Variants in NOX4 observed in about 807,000 individuals in gnomAD.
NOX4 encodes NADPH oxidase 4, also known as kidney oxidase-1.
In NOX4, 69 loss-of-function variants were observed where a neutral mutation model predicts 87.6. That is an observed-to-expected ratio of 0.79 (90% CI 0.65 to 0.96). The LOEUF is 0.96. NOX4 is among the 40% of genes least tolerant of loss of function. NOX4 has a pLI of 0.00. For missense variants in NOX4, 680 were observed against 681.5 expected (o/e 1.00, Z 0.02); for synonymous variants, 275 against 238.2 (o/e 1.15, Z -1.42).
chr11:89,511,593 A>G, the NOX4 span, among the ~76,000 whole-genome samples: 1 of 152,002 alleles, frequency 6.6e-6, no homozygotes, highest in Non-Finnish European at 1.5e-5. Context: ...CAAAAATAGA[A>G]TCCTGATTAC....
chr11:89,354,030 G>A lies in NOX4; in HGVS notation c.1217+932C>T, dbSNP rs1420264067. Among the ~76,000 whole-genome samples the A allele has an allele frequency of 2.1e-4, 32 of 152,168 alleles. 1 individual carries two copies. Among genetic ancestry groups the A allele is most frequent in the Admixed American group, 2.0e-3 (30 of 15,266 alleles). On this transcript the variant is annotated intron_variant, in intron 13 of 17. Transcript: ENST00000263317. ...CATTTATTTTTGTGATCATAATTAA[G>A]TGAGTATTATCAAAGCTAAGTATTA...
At chr11:89,415,758 C>T (rs925622689) in intron 8 of NOX4, among the ~76,000 whole-genome samples, 3 of 151,980 alleles carry the variant, frequency 2.0e-5, no homozygotes, top group East Asian at 1.9e-4. Context: ...AAACTGATAA[C>T]GAGTATGCCA....
the NOX4 span, among the ~76,000 whole-genome samples, chr11:89,544,895 A>G: frequency 7.3e-3 from 1,105 of 152,210 alleles, 15 homozygotes; most frequent in African/African-American, 0.025. Flanking sequence ...TATATATCCT[A>G]TGACCCGACC....
intron 12 of NOX4, among the ~76,000 whole-genome samples, chr11:89,363,975 A>G (rs1938732740): frequency 1.3e-5 from 2 of 152,098 alleles, no homozygotes; most frequent in Admixed American, 1.3e-4. Flanking sequence ...TATTAAAGAT[A>G]TAGGCAGGCC....
intron 11 of NOX4, among the ~76,000 whole-genome samples, chr11:89,390,822 C>T (rs1483868878): frequency 6.6e-6 from 1 of 152,110 alleles, no homozygotes; most frequent in East Asian, 1.9e-4. Flanking sequence ...ATTTTCCCCT[C>T]CTCTTTTGTT....
chr11:89,497,676 CT>C (rs950078564), intron 1 of NOX4, among the ~76,000 whole-genome samples: 4 of 152,164 alleles, frequency 2.6e-5, no homozygotes, highest in Admixed American at 2.6e-4. Flanking sequence ...ATGACTATAT[CT>C]GTCTATATCT....
chr11:89,473,001 A>C (rs1946011922), intron 2 of NOX4, among the ~76,000 whole-genome samples: 1 of 152,166 alleles, frequency 6.6e-6, no homozygotes, highest in Non-Finnish European at 1.5e-5. Flanking sequence ...TCAAGTGAAA[A>C]AGGTTTGACC....
chr11:89,535,907 A>AT, the NOX4 span, among the ~76,000 whole-genome samples: 4 of 152,256 alleles, frequency 2.6e-5, no homozygotes, highest in Admixed American at 2.6e-4. Flanking sequence ...AGAAAGGTAA[A>AT]TTTCCAAAGA....
At chr11:89,458,558 C>G (rs951354926) in intron 2 of NOX4, among the ~76,000 whole-genome samples, 8 of 152,108 alleles carry the variant, frequency 5.3e-5, no homozygotes, top group African/African-American at 1.9e-4. Context: ...ATGCATATGA[C>G]AAAGACCTAG....
chr11:89,357,135 C>G (rs1179654286), intron 12 of NOX4, among the ~76,000 whole-genome samples: 1 of 152,088 alleles, frequency 6.6e-6, no homozygotes, highest in Non-Finnish European at 1.5e-5. Context: ...GTGGCCAGTG[C>G]TTCCTGAGAA....
chr11:89,567,591 A>C, the NOX4 span, among the ~76,000 whole-genome samples: 1 of 152,214 alleles, frequency 6.6e-6, no homozygotes, highest in African/African-American at 2.4e-5. Flanking sequence ...AGAAGAGAGA[A>C]TGAGTGCAGA....
At chr11:89,392,911 C>A (rs1591099013) in intron 11 of NOX4, among the ~76,000 whole-genome samples, 1 of 152,068 alleles carries the variant, frequency 6.6e-6, no homozygotes, top group African/African-American at 2.4e-5. Flanking sequence ...ATAACAGAGA[C>A]CATTTGGAAG....
chr11:89,545,413 A>G, the NOX4 span: 1 of 152,184 alleles, frequency 6.6e-6, no homozygotes, highest in Non-Finnish European at 1.5e-5. Flanking sequence ...ATCCTTCGAA[A>G]TAACATTTCT....
intron 8 of NOX4, among the ~76,000 whole-genome samples, chr11:89,409,545 T>G (rs553055162): frequency 7.2e-5 from 11 of 152,130 alleles, no homozygotes; most frequent in Non-Finnish European, 4.4e-5. Flanking sequence ...GGGGTAAATA[T>G]CACATGACCT....
intron 2 of NOX4, among the ~76,000 whole-genome samples, chr11:89,458,146 T>C (rs1040688594): frequency 2.0e-5 from 3 of 152,202 alleles, no homozygotes; most frequent in African/African-American, 7.2e-5. Flanking sequence ...TCACATTACC[T>C]GACTTCGAAT....
chr11:89,336,052 A>C, intron 16 of NOX4, 107 bp from the exon 17 acceptor site: 1 of 577,048 alleles, frequency 1.7e-6, no homozygotes. Flanking sequence ...CTGTGATATA[A>C]AGAATGTAAG....
the NOX4 span, among the ~76,000 whole-genome samples, chr11:89,530,257 C>T: frequency 8.0e-5 from 12 of 150,810 alleles, no homozygotes; most frequent in Non-Finnish European, 1.6e-4. Flanking sequence ...ATCTATCTAA[C>T]TCACAGGGCT....
intron 11 of NOX4, among the ~76,000 whole-genome samples, chr11:89,395,546 G>A (rs914728123): frequency 6.6e-6 from 1 of 152,018 alleles, no homozygotes; most frequent in Admixed American, 6.6e-5. Context: ...TTTTGCTTTG[G>A]CTTTTGCTGT....
chr11:89,500,658 C>T (rs1947007054), upstream of NOX4, among the ~76,000 whole-genome samples: 1 of 152,022 alleles, frequency 6.6e-6, no homozygotes, highest in African/African-American at 2.4e-5. Flanking sequence ...TCCTATTTCA[C>T]AGGCTGGAAA....
Sources: allele counts gnomAD v4.1 joint callset (sites outside exome capture counted in the v4.1 genomes callset), GRCh38; gene constraint gnomAD v4.1.1; transcripts MANE v1.5; gene names NCBI Gene and HGNC (gene_info 2026-07-23, HGNC 2026-07-21).